The following CHM variants were observed in gnomAD, a reference collection of about 807,000 sequenced individuals.
The protein encoded by CHM is CHM Rab escort protein, also known as rab proteins geranylgeranyltransferase component A 1.
Under a neutral mutation model 49.0 loss-of-function variants are expected in CHM, and 10 were observed. The observed-to-expected ratio is 0.20, with a 90% confidence interval of 0.13 to 0.35. CHM has a LOEUF of 0.35. CHM is among the 10% of genes least tolerant of loss of function. The pLI, the probability that CHM is intolerant of heterozygous loss-of-function variation, is 1.00. For synonymous variants in CHM, 184 were observed against 167.5 expected (o/e 1.10, Z -0.76); for missense variants, 455 against 478.4 (o/e 0.95, Z 0.46).
chrX:85,937,687 T>C (rs1404279357), intron 8 of CHM, among the ~76,000 whole-genome samples: 1 of 108,172 alleles, frequency 9.2e-6, no homozygotes, highest in East Asian at 2.9e-4. Flanking sequence ...CCACTAAAAA[T>C]ACAAAAATTA....
intron 8 of CHM, among the ~76,000 whole-genome samples, chrX:85,942,609 C>T (rs1285030765): frequency 9.0e-6 from 1 of 111,438 alleles, no homozygotes; most frequent in Non-Finnish European, 1.9e-5. Flanking sequence ...AATAATCGAG[C>T]TTCACACACA....
intron 8 of CHM, among the ~76,000 whole-genome samples, chrX:85,955,041 T>G (rs1431080082): frequency 9.0e-6 from 1 of 111,109 alleles, no homozygotes; most frequent in African/African-American, 3.3e-5. Flanking sequence ...GAGCTAAAAA[T>G]TAAAACAATT....
chrX:85,966,772 G>A (rs935032283), intron 4 of CHM, among the ~76,000 whole-genome samples: 12 of 111,362 alleles, frequency 1.1e-4, no homozygotes, highest in African/African-American at 3.9e-4. Flanking sequence ...ACAAAATATG[G>A]CAACTTCTCT....
At chrX:85,897,641 G>A (rs546229769) in intron 11 of CHM, among the ~76,000 whole-genome samples, 4 of 110,506 alleles carry the variant, frequency 3.6e-5, no homozygotes, top group African/African-American at 1.3e-4. Flanking sequence ...AGCAGGGTGG[G>A]TAAAATCAGG....
In CHM at chrX:85,941,625, A is replaced by T. The variant is rs1288595713; in HGVS notation, c.1166+14528T>A. On this transcript the variant is annotated intron_variant, in intron 8 of 14. Transcript: ENST00000357749. ...CTGAAGTTGGAAAAACCTGCCACCT[A>T]TTTTTAGAAATAAATTTTTTAGAAT... Among the ~76,000 whole-genome samples the T allele has an allele frequency of 2.7e-5, 3 of 111,510 alleles. No homozygotes were observed. The East Asian group carries it at 8.3e-4, about 31-fold the overall frequency.
At chrX:85,926,482 C>G (rs1201485564) in intron 8 of CHM, among the ~76,000 whole-genome samples, 1 of 110,694 alleles carries the variant, frequency 9.0e-6, no homozygotes, top group Non-Finnish European at 1.9e-5. Context: ...GAATTTCACC[C>G]TTTAGCTATT....
intron 8 of CHM, among the ~76,000 whole-genome samples, chrX:85,936,487 G>C (rs1049548132): frequency 2.7e-5 from 3 of 111,648 alleles, no homozygotes; most frequent in African/African-American, 9.8e-5. Flanking sequence ...GAATTTAAAT[G>C]ACATGTTCAA....
intron 8 of CHM, among the ~76,000 whole-genome samples, chrX:85,912,709 G>C (rs1927104107): frequency 9.0e-6 from 1 of 111,222 alleles, no homozygotes; most frequent in East Asian, 2.8e-4. Flanking sequence ...ATAATCACAA[G>C]TGTCTTTAAA....
intron 2 of CHM, among the ~76,000 whole-genome samples, chrX:86,017,008 C>T (rs991443866): frequency 4.4e-5 from 5 of 112,575 alleles, no homozygotes; most frequent in African/African-American, 1.6e-4. Context: ...CAAAGGAGAT[C>T]ATTCTGGAGC....
At chrX:85,905,399 C>G (rs979564268) in intron 9 of CHM, among the ~76,000 whole-genome samples, 1 of 111,691 alleles carries the variant, frequency 9.0e-6, no homozygotes, top group African/African-American at 3.3e-5. Context: ...AACCATGTGC[C>G]AAGCACTGTT....
chrX:85,865,933 A>G (rs1221884104), intron 14 of CHM, among the ~76,000 whole-genome samples: 7 of 112,588 alleles, frequency 6.2e-5, no homozygotes, highest in Non-Finnish European at 1.3e-4. Context: ...GCACTCAGTC[A>G]TGTGTGTTCA....
At chrX:85,929,749 G>A (rs1029068990) in intron 8 of CHM, among the ~76,000 whole-genome samples, 2 of 111,513 alleles carry the variant, frequency 1.8e-5, no homozygotes, top group Admixed American at 9.5e-5. Flanking sequence ...AAAACAGCCC[G>A]AATTTATAGT....
chrX:86,010,813 T>C (rs1933043317), intron 2 of CHM, among the ~76,000 whole-genome samples: 2 of 112,050 alleles, frequency 1.8e-5, no homozygotes, highest in Non-Finnish European at 3.8e-5. Flanking sequence ...GTTAGTGTGG[T>C]ATATTTCAAA....
chrX:85,926,159 G>T (rs1157769584), intron 8 of CHM, among the ~76,000 whole-genome samples: 1 of 110,424 alleles, frequency 9.1e-6, no homozygotes, highest in East Asian at 2.8e-4. Context: ...TTGATTCTTG[G>T]CAAAGCCTAC....
chrX:85,918,082 G>A (rs773169366), intron 8 of CHM, among the ~76,000 whole-genome samples: 1 of 111,149 alleles, frequency 9.0e-6, no homozygotes, highest in African/African-American at 3.3e-5. Flanking sequence ...GAGATAGTAT[G>A]CAAGATGACA....
In CHM at chrX:85,956,362, T is replaced by C. The variant is rs373242750; in HGVS notation, c.957A>G (p.Thr319=). Residue 319 remains threonine (T), a synonymous_variant, in exon 8 of 15, where the codon ACA becomes ACG. Transcript: ENST00000357749. The part of the protein sequence containing the change: ...PDEYKGYEEI[T]FYEYLKTQKL... Reference sequence around the variant, plus strand: ...TTTGAGTCTTTAAATATTCATAAAATGTGATCTCTTCATATCCTATGAAAA... The same window carrying C: ...TTTGAGTCTTTAAATATTCATAAAACGTGATCTCTTCATATCCTATGAAAA... The C allele has an allele frequency of 9.4e-5, 113 of 1,207,790 alleles. 1 individual carries two copies. Among genetic ancestry groups the C allele is most frequent in the South Asian group, 8.1e-4 (46 of 56,556 alleles).
intron 9 of CHM, among the ~76,000 whole-genome samples, chrX:85,901,827 C>T (rs1926308427): frequency 2.7e-5 from 3 of 111,731 alleles, no homozygotes; most frequent in South Asian, 7.4e-4. Flanking sequence ...CACTTATGCA[C>T]GGACATTATC....
At chrX:85,917,530 A>G (rs1394892431) in intron 8 of CHM, among the ~76,000 whole-genome samples, 1 of 111,574 alleles carries the variant, frequency 9.0e-6, no homozygotes, top group African/African-American at 3.3e-5. Context: ...CCTCCACACA[A>G]CCACGCTAGC....
At chrX:85,968,117 T>A (rs1425384499) in intron 4 of CHM, among the ~76,000 whole-genome samples, 1 of 112,228 alleles carries the variant, frequency 8.9e-6, no homozygotes, top group African/African-American at 3.2e-5. Flanking sequence ...TTTCACAGTA[T>A]ATATTATACT....
Sources: allele counts gnomAD v4.1 joint callset (sites outside exome capture counted in the v4.1 genomes callset), GRCh38; gene constraint gnomAD v4.1.1; transcripts MANE v1.5; gene names NCBI Gene and HGNC (gene_info 2026-07-23, HGNC 2026-07-21).